The following SLC17A1 variants were observed in gnomAD, a reference collection of about 807,000 sequenced individuals.
SLC17A1 encodes the protein solute carrier family 17 member 1.
A neutral mutation model predicts 53.5 loss-of-function variants in SLC17A1; 51 were observed. The observed-to-expected ratio is 0.95, with a 90% CI of 0.76 to 1.20. The LOEUF is 1.20. SLC17A1 is among the 50% of genes most tolerant of loss of function. The pLI is 0.00. For synonymous variants in SLC17A1, 179 were observed against 198.8 expected, an observed-to-expected ratio of 0.90 and a Z score of 0.84; for missense variants, 538 against 568.2, an observed-to-expected ratio of 0.95 and a Z score of 0.54.
chr6:25,736,342 C>T, the SLC17A1 span, among the ~76,000 whole-genome samples: 1 of 152,248 alleles, frequency 6.6e-6, no homozygotes, highest in East Asian at 1.9e-4. Context: ...AACCTCTCCC[C>T]CAAATCATAG....
chr6:25,776,738 G>C, the SLC17A1 span: 225 of 1,613,840 alleles, frequency 1.4e-4, 1 homozygote, highest in Middle Eastern at 3.3e-4. Context: ...GTAAGGGAGA[G>C]ACTGGACACA....
At chr6:25,726,101 CAGA>C in the SLC17A1 span, 2 of 1,501,574 alleles carry the variant, frequency 1.3e-6, no homozygotes, top group Admixed American at 2.3e-5. Flanking sequence ...TTTTCTGACA[CAGA>C]AGTCTTTTTA....
intron 11 of SLC17A1, among the ~76,000 whole-genome samples, chr6:25,799,774 GA>G (rs1763699551): frequency 6.6e-6 from 1 of 152,164 alleles, no homozygotes; most frequent in Non-Finnish European, 1.5e-5. Context: ...ACAACTTTTG[GA>G]AGTCAGCTCT....
the SLC17A1 span, among the ~76,000 whole-genome samples, chr6:25,745,762 G>A: frequency 7.2e-5 from 11 of 152,154 alleles, no homozygotes; most frequent in South Asian, 4.1e-4. Flanking sequence ...GAACTAATCC[G>A]TTACTCACAA....
the SLC17A1 span, among the ~76,000 whole-genome samples, chr6:25,744,292 G>C: frequency 6.6e-6 from 1 of 152,330 alleles, no homozygotes; most frequent in East Asian, 1.9e-4. Context: ...GGTAGCATCA[G>C]TGTGGATGGA....
the SLC17A1 span, among the ~76,000 whole-genome samples, chr6:25,764,682 C>G: frequency 6.6e-6 from 1 of 152,120 alleles, no homozygotes; most frequent in Non-Finnish European, 1.5e-5. Flanking sequence ...GTGGCAGTGT[C>G]CAGAAGCTGG....
At chr6:25,764,601 G>A in the SLC17A1 span, among the ~76,000 whole-genome samples, 3 of 152,198 alleles carry the variant, frequency 2.0e-5, no homozygotes, top group Non-Finnish European at 4.4e-5. Context: ...CCATCCTTGA[G>A]GCAGGGTGCA....
chr6:25,726,670 C>T, the SLC17A1 span: 1 of 1,187,324 alleles, frequency 8.4e-7, no homozygotes, highest in Non-Finnish European at 1.2e-6. Context: ...CTAGAATCGC[C>T]TCATTTGCAT....
downstream of SLC17A1, among the ~76,000 whole-genome samples, chr6:25,781,612 C>T (rs1763270535): frequency 6.6e-6 from 1 of 152,148 alleles, no homozygotes; most frequent in Non-Finnish European, 1.5e-5. Context: ...TGGCGAGGGC[C>T]TCAGGCAACT....
chr6:25,762,203 G>T, the SLC17A1 span: 1 of 601,468 alleles, frequency 1.7e-6, no homozygotes, highest in South Asian at 2.5e-5. Context: ...ATTCTATACG[G>T]TTATACATTG....
the SLC17A1 span, among the ~76,000 whole-genome samples, chr6:25,738,996 A>T: frequency 1.3e-5 from 2 of 152,224 alleles, no homozygotes; most frequent in African/African-American, 2.4e-5. Context: ...AAATCAAAAC[A>T]TATACTTACA....
At chr6:25,775,998 C>G in the SLC17A1 span, among the ~76,000 whole-genome samples, 1 of 151,982 alleles carries the variant, frequency 6.6e-6, no homozygotes. Context: ...TTTGTGCAAC[C>G]CTCTGTGGAG....
At chr6:25,726,083 C>G in the SLC17A1 span, 3 of 1,472,318 alleles carry the variant, frequency 2.0e-6, no homozygotes, top group Non-Finnish European at 2.7e-6. Context: ...TGAAAAGAGC[C>G]TTTTGTTTTT....
chr6:25,800,906 C>G lies in SLC17A1; in HGVS notation c.1253G>C (p.Gly418Ala). Reference sequence around the variant, plus strand: ...GTTTCTTACCTGCTTAAGGATCAATCCAGTCAAAGTGGAAGCAATTAGTCC... The same window carrying G: ...GTTTCTTACCTGCTTAAGGATCAATGCAGTCAAAGTGGAAGCAATTAGTCC... ...IGGLIASTLT[G>A]LILKQDPESA... is the part of the protein sequence containing the mutation. The change falls in exon 11 of 13, where the codon GGA becomes GCA. Residue 418 changes from glycine to alanine, a missense_variant. Transcript: ENST00000244527. 6.2e-7 allele frequency: 1 copy of G among 1,603,336 alleles called. No homozygotes were observed. Among genetic ancestry groups the G allele is most frequent in the Non-Finnish European group, 8.5e-7 (1 of 1,170,420 alleles).
At chr6:25,793,290 A>G (rs1464263649) in intron 12 of SLC17A1, among the ~76,000 whole-genome samples, 2 of 152,190 alleles carry the variant, frequency 1.3e-5, no homozygotes, top group Admixed American at 6.5e-5. Flanking sequence ...TCTGATATTC[A>G]TTCAGACAGT....
At chr6:25,819,212 A>G in intron 5 of SLC17A1, 58 bp from the exon 6 acceptor site, 1 of 1,223,200 alleles carries the variant, frequency 8.2e-7, no homozygotes, top group South Asian at 1.4e-5. Flanking sequence ...AAGCAGAGAT[A>G]ATGTAGCCTC....
the SLC17A1 span, chr6:25,726,943 C>G: frequency 6.2e-7 from 1 of 1,613,806 alleles, no homozygotes; most frequent in African/African-American, 1.3e-5. Flanking sequence ...GCTACCATTT[C>G]CAAGAAGGGC....
the SLC17A1 span, among the ~76,000 whole-genome samples, chr6:25,748,820 T>G: frequency 6.6e-6 from 1 of 152,208 alleles, no homozygotes; most frequent in East Asian, 1.9e-4. Flanking sequence ...TAAGCCAGAT[T>G]TATGCTTCTC....
chr6:25,745,475 G>A, the SLC17A1 span, among the ~76,000 whole-genome samples: 2 of 152,142 alleles, frequency 1.3e-5, no homozygotes, highest in Admixed American at 6.5e-5. Flanking sequence ...ATACGTGTAT[G>A]GAGGACAATG....
Sources: gnomAD v4.1 joint callset for allele counts (sites outside exome capture counted in the v4.1 genomes callset) on GRCh38, gnomAD v4.1.1 for gene constraint, MANE v1.5 for transcripts, NCBI Gene and HGNC (gene_info 2026-07-23, HGNC 2026-07-21) for gene names.